The following ZRANB3 variants were observed in gnomAD, a reference collection of about 807,000 sequenced individuals.
The protein encoded by ZRANB3 is zinc finger RANBP2-type containing 3, also known as DNA annealing helicase and endonuclease ZRANB3.
A neutral mutation model predicts 133.8 loss-of-function variants in ZRANB3; 125 were observed. The ratio of observed to expected loss-of-function variants is 0.93; its 90% confidence interval spans 0.81 to 1.08. ZRANB3 has a LOEUF of 1.08. Ranked by LOEUF, ZRANB3 falls within the 50% of genes least tolerant of loss-of-function variation. The pLI is 0.00. For missense variants in ZRANB3, 1,229 were observed against 1,275.5 expected (o/e 0.96, Z 0.56); for synonymous variants, 387 against 432.7 (o/e 0.89, Z 1.31).
chr2:135,347,362 G>A lies in ZRANB3; in HGVS notation c.592-1727C>T, dbSNP rs184735951. ...GGCTGGAGTGCAGTGGTGCGATCTC[G>A]GCTCACTGCAAGCTCCGCCTCCTGG... is the stretch of plus-strand genomic sequence containing the variant. On this transcript the variant is annotated intron_variant, in intron 5 of 20. Coordinates refer to ENST00000264159, the MANE Select transcript of ZRANB3 (RefSeq NM_032143.4). Among the ~76,000 whole-genome samples the A allele has an allele frequency of 6.9e-4, 103 of 148,334 alleles. 1 individual carries two copies. In the East Asian group the frequency reaches 0.017, roughly 25 times the overall value.
At chr2:135,376,295 C>T (rs1437690113) in intron 3 of ZRANB3, among the ~76,000 whole-genome samples, 1 of 152,166 alleles carries the variant, frequency 6.6e-6, no homozygotes, top group Non-Finnish European at 1.5e-5. Flanking sequence ...GTTTGTGGTA[C>T]TATCTTATGG....
chr2:135,233,490 G>A lies in ZRANB3; in HGVS notation c.1540-2563C>T, dbSNP rs182799516. Among the ~76,000 whole-genome samples, 49 of 152,262 alleles carry A rather than the reference G, an allele frequency of 3.2e-4. No individual in the cohort carries two copies. The East Asian group carries it at 8.7e-3, about 27-fold the overall frequency. On this transcript the variant is annotated intron_variant, in intron 12 of 20. Transcript: ENST00000264159. The stretch of plus-strand genomic sequence containing the variant: ...AAGAGCAACTCCAAGACATACAATC[G>A]TCAGATTCACCAAAGTTGAAATGAA...
At chr2:135,401,183 C>G (rs1050516161) in intron 2 of ZRANB3, among the ~76,000 whole-genome samples, 2 of 152,074 alleles carry the variant, frequency 1.3e-5, no homozygotes, top group Non-Finnish European at 2.9e-5. Context: ...GGTGCATGCA[C>G]GGAGAACATC....
At chr2:135,291,717 G>A (rs903142195) in intron 8 of ZRANB3, among the ~76,000 whole-genome samples, 6 of 151,714 alleles carry the variant, frequency 4.0e-5, no homozygotes, top group African/African-American at 1.5e-4. Context: ...TTAACATTAG[G>A]TGTATCTCCT....
At chr2:135,266,873 C>T (rs1393854757) in intron 11 of ZRANB3, among the ~76,000 whole-genome samples, 1 of 152,200 alleles carries the variant, frequency 6.6e-6, no homozygotes, top group Non-Finnish European at 1.5e-5. Context: ...CTCCACAACT[C>T]CTTATCTTAA....
intron 8 of ZRANB3, among the ~76,000 whole-genome samples, chr2:135,293,479 C>G (rs1156599811): frequency 3.9e-5 from 6 of 152,122 alleles, no homozygotes; most frequent in African/African-American, 1.2e-4. Flanking sequence ...TGCCTATCAG[C>G]TTAAGGAGAT....
At chr2:135,423,432 A>C (rs1688945344) in intron 2 of ZRANB3, among the ~76,000 whole-genome samples, 1 of 152,000 alleles carries the variant, frequency 6.6e-6, no homozygotes, top group African/African-American at 2.4e-5. Flanking sequence ...CCTGTCTCAA[A>C]AAAATAAAAA....
intron 2 of ZRANB3, among the ~76,000 whole-genome samples, chr2:135,430,366 T>G (rs1049333974): frequency 2.6e-5 from 4 of 151,998 alleles, no homozygotes; most frequent in African/African-American, 9.7e-5. Flanking sequence ...GAGGAATTAT[T>G]CCACAGAGTT....
In ZRANB3 at chr2:135,207,711, A is replaced by C. The variant is rs1186016381; in HGVS notation, c.2732T>G (p.Leu911Arg). Residue 911 changes from leucine (L) to arginine (R), a missense_variant, in exon 19 of 21, where the codon CTT becomes CGT. Leu to Arg is a moderately radical substitution (Grantham distance 102). Transcript: ENST00000264159. The stretch of plus-strand genomic sequence containing the variant: ...AGTGGGTTGCTGACAGCGAAGGCAA[A>C]GTGGATTTCCTTCATTATCCACAGC... ...LQAVDNEGNP[L>R]CLRCQQPTCQ... 3.7e-6 allele frequency: 6 copies of C among 1,614,030 alleles called. No homozygotes were observed. The highest frequency in any genetic ancestry group is 1.6e-4 in the Middle Eastern group (1 of 6,062).
chr2:135,494,307 C>CAAAAAAAAAAAA (rs770757530), intron 2 of ZRANB3, among the ~76,000 whole-genome samples: 1 of 51,324 alleles, frequency 1.9e-5, no homozygotes, highest in Admixed American at 2.1e-4. Flanking sequence ...GACTCCGTCT[C>CAAAAAAAAAAAA]AAAAAAAAAA....
At chr2:135,297,941 T>C (rs1682226400) in intron 8 of ZRANB3, among the ~76,000 whole-genome samples, 1 of 152,128 alleles carries the variant, frequency 6.6e-6, no homozygotes, top group African/African-American at 2.4e-5. Flanking sequence ...GTTTTTAAAA[T>C]TTATTGGCTG....
rs4954248 is a variant in ZRANB3 at position 135,376,008 on chromosome 2, G to A, written c.180+14794C>T. On this transcript the variant is annotated intron_variant, in intron 3 of 20. Transcript: ENST00000264159. ...TGCTGCAGACATAAATAGCTAAAAT[G>A]AGGTCATATTAGAGTAACCTTAATT... 5.1e-3 allele frequency among the ~76,000 whole-genome samples: 784 copies of A among 152,254 alleles called. 21 individuals carry two copies. Among genetic ancestry groups the A allele is most frequent in the Admixed American group, 0.042 (646 of 15,282 alleles).
Position 135,334,364 on chromosome 2 carries a change from C to G in ZRANB3, c.677+11186G>C, listed in dbSNP as rs192639261. 2.3e-4 allele frequency among the ~76,000 whole-genome samples: 35 copies of G among 152,320 alleles called. 1 individual carries two copies. Among genetic ancestry groups the G allele is most frequent in the Admixed American group, 1.5e-3 (23 of 15,298 alleles). On this transcript the variant is annotated intron_variant, in intron 6 of 20. Transcript: ENST00000264159. ...AGGTGAGGGTTTCTCAAATCCCTTC[C>G]ACACAAAGCTGACTTTCTAAGTCTC... is the stretch of plus-strand genomic sequence containing the variant.
At chr2:135,398,765 C>T (rs183294026) in intron 2 of ZRANB3, among the ~76,000 whole-genome samples, 1,573 of 148,426 alleles carry the variant, frequency 0.011, 25 homozygotes, top group African/African-American at 0.038. Flanking sequence ...CCTCGTGATC[C>T]GCCAGCCCCG....
At chr2:135,504,891 A>C (rs148026728) in intron 1 of ZRANB3, among the ~76,000 whole-genome samples, 1,574 of 152,288 alleles carry the variant, frequency 0.01, 25 homozygotes, top group African/African-American at 0.036. Context: ...TTATGGATCC[A>C]CATTTTCATA....
intron 9 of ZRANB3, 39 bp from the exon 10 acceptor site, chr2:135,271,926 C>T: frequency 6.4e-7 from 1 of 1,555,430 alleles, no homozygotes; most frequent in Non-Finnish European, 8.7e-7. Context: ...TAGGACAAGG[C>T]CCTATGTACC....
intron 8 of ZRANB3, among the ~76,000 whole-genome samples, chr2:135,304,474 A>T (rs1682583573): frequency 6.6e-6 from 1 of 152,134 alleles, no homozygotes; most frequent in Admixed American, 6.6e-5. Flanking sequence ...TTTGTTAAGG[A>T]CTTTCACATT....
intron 2 of ZRANB3, among the ~76,000 whole-genome samples, chr2:135,455,103 T>A (rs905171556): frequency 1.3e-5 from 2 of 151,068 alleles, no homozygotes; most frequent in African/African-American, 2.4e-5. Flanking sequence ...ACTATCTTTA[T>A]GTCAATGACC....
At chr2:135,272,741 G>T (rs573977366) in intron 9 of ZRANB3, among the ~76,000 whole-genome samples, 2 of 152,074 alleles carry the variant, frequency 1.3e-5, no homozygotes, top group South Asian at 4.2e-4. Context: ...ATGTGATATG[G>T]TCATCTCCAG....
Sources: gnomAD v4.1 joint callset for allele counts (sites outside exome capture counted in the v4.1 genomes callset) on GRCh38, gnomAD v4.1.1 for gene constraint, MANE v1.5 for transcripts, NCBI Gene and HGNC (gene_info 2026-07-23, HGNC 2026-07-21) for gene names.